Variants in CST4 observed in about 807,000 individuals in gnomAD.
CST4 encodes cystatin S, also known as cystatin-S.
CST4 carries 17 observed loss-of-function variants against 11.2 expected under a neutral mutation model. The ratio of observed to expected loss-of-function variants is 1.52; its 90% CI spans 1.04 to 2.27. CST4 has a LOEUF of 2.27. Ranked by LOEUF, CST4 falls within the 30% of genes most tolerant of loss-of-function variation. The pLI is 0.00. For synonymous variants in CST4, 93 were observed against 70.1 expected, an observed-to-expected ratio of 1.33 and a Z score of -1.63; for missense variants, 251 against 180.2, an observed-to-expected ratio of 1.39 and a Z score of -2.25.
At position 23,688,950 on chromosome 20, in the gene CST4, G is replaced by A. The variant is rs1285848929; in HGVS notation, c.20C>T (p.Thr7Ile). ...CAGGGTAGCCATCAGGAGTAGCAGG[G>A]TACACAGAGGCCGGGCCATGGTCTC... Reference protein sequence around the residue: MARPLCTLLLLMATLAG... With the variant: MARPLCILLLLMATLAG... The change falls in exon 1 of 3, where the codon ACC (threonine) becomes ATC (isoleucine). Residue 7 changes from threonine to isoleucine, a missense_variant. Physicochemically the swap from Thr to Ile is moderately conservative, Grantham distance 89 (BLOSUM62 -1). Coordinates refer to ENST00000217423, the MANE Select transcript of CST4 (RefSeq NM_001899.3). 5 of 1,613,960 alleles carry A rather than the reference G, an allele frequency of 3.1e-6. No individual in the cohort carries two copies. The highest frequency in any genetic ancestry group is 1.7e-5 in the Admixed American group (1 of 59,996).
In CST4 at chr20:23,689,022, A is replaced by C; in HGVS notation, c.-53T>G. 6.4e-7 allele frequency: 1 copy of C among 1,564,184 alleles called. No individual in the cohort carries two copies. Among genetic ancestry groups the C allele is most frequent in the Non-Finnish European group, 8.7e-7 (1 of 1,143,106 alleles). ...TGGAGCTGCAGGAGAGGAGGGTGAG[A>C]GCCCGAGGCAGGGAGCCCAGACCAG... is the stretch of plus-strand genomic sequence containing the variant. On this transcript the variant is annotated 5_prime_UTR_variant, in exon 1 of 3. Coordinates refer to ENST00000217423, the MANE Select transcript of CST4 (RefSeq NM_001899.3).
At chr20:23,688,585 T>G (rs1243192559) in intron 1 of CST4, among the ~76,000 whole-genome samples, 157 bp downstream of exon 1, 1 of 152,182 alleles carries the variant, frequency 6.6e-6, no homozygotes, top group South Asian at 2.1e-4. Flanking sequence ...GGAGCATGCT[T>G]AGGCATGAAG....
rs372819267 is a variant in CST4, at chr20:23,687,894, G to C, written c.229-693C>G. 9.8e-5 allele frequency among the ~76,000 whole-genome samples: 15 copies of C among 152,338 alleles called. No homozygotes were observed. The East Asian group carries it at 2.9e-3, about 29-fold the overall frequency. ...GTGCTTCACTCCAAGTTACTGTCAT[G>C]CTTAAGAGGGAGATGCAGGCCAGCG... On this transcript the variant is annotated intron_variant, in intron 1 of 2. Coordinates refer to ENST00000217423, the MANE Select transcript of CST4 (RefSeq NM_001899.3).
At chr20:23,686,392 G>GCATGCC (rs1185397306) in intron 2 of CST4, among the ~76,000 whole-genome samples, 1 of 152,150 alleles carries the variant, frequency 6.6e-6, no homozygotes, top group Non-Finnish European at 1.5e-5. Flanking sequence ...AAGAGCTGGG[G>GCATGCC]CATGGGTCAA....
At position 23,685,847 on chromosome 20, in the gene CST4, T is replaced by C. The variant is rs6138037; in HGVS notation, c.*47A>G. 5.0e-5 allele frequency: 80 copies of C among 1,590,998 alleles called. No individual in the cohort carries two copies. In the South Asian group the frequency reaches 8.2e-4, roughly 16 times the overall value. On this transcript the variant is annotated 3_prime_UTR_variant, in exon 3 of 3. Transcript: ENST00000217423. ...CAGTCCAGGGGTGGGAGCACTACAGTGGGTGGGAGTGGGTGGTGGTCGGTG... is the reference window on the plus strand; with the variant it reads ...CAGTCCAGGGGTGGGAGCACTACAGCGGGTGGGAGTGGGTGGTGGTCGGTG...
rs1981071565 is a variant in CST4 at position 23,687,109 on chromosome 20, A to G, written c.321T>C (p.His107=). 4 of 1,614,112 alleles carry G rather than the reference A, an allele frequency of 2.5e-6. No individual in the cohort carries two copies. The East Asian group carries it at 6.7e-5, about 27-fold the overall frequency. Residue 107 remains histidine, a synonymous_variant, in exon 2 of 3, where the codon CAT becomes CAC. Transcript: ENST00000217423. The stretch of plus-strand genomic sequence containing the variant: ...GTACCTTCTGCAGTTCTGGCTGTTC[A>G]TGGAAGGCACAGGTGTCCAAGTTGG... ...SQPNLDTCAF[H]EQPELQKKQL... is the part of the protein sequence containing the mutation.
chr20:23,688,130 C>T (rs531550959), intron 1 of CST4, among the ~76,000 whole-genome samples: 1 of 152,362 alleles, frequency 6.6e-6, no homozygotes, highest in East Asian at 1.9e-4. Context: ...GACCTAACCC[C>T]TCCTCTGCTC....
chr20:23,689,010 G>A lies in CST4; in HGVS notation c.-41C>T. On this transcript the variant is annotated 5_prime_UTR_variant, in exon 1 of 3. Coordinates refer to ENST00000217423, the MANE Select transcript of CST4 (RefSeq NM_001899.3). ...AGAGCACAAAGCTGGAGCTGCAGGA[G>A]AGGAGGGTGAGAGCCCGAGGCAGGG... 1 of 1,591,160 alleles carries A rather than the reference G, an allele frequency of 6.3e-7. No homozygotes were observed. The highest frequency in any genetic ancestry group is 8.6e-7 in the Non-Finnish European group (1 of 1,163,160).
At chr20:23,687,507 A>G (rs1309187111) in intron 1 of CST4, among the ~76,000 whole-genome samples, 1 of 152,180 alleles carries the variant, frequency 6.6e-6, no homozygotes, top group Non-Finnish European at 1.5e-5. Flanking sequence ...AATTTCAGCT[A>G]ACTCACGAAA....
chr20:23,686,411 A>G (rs1383132593), intron 2 of CST4, among the ~76,000 whole-genome samples: 1 of 152,082 alleles, frequency 6.6e-6, no homozygotes, highest in Non-Finnish European at 1.5e-5. Flanking sequence ...AAGGGCAACA[A>G]GGGGAGTGCC....
At chr20:23,688,037 T>G (rs1385246729) in intron 1 of CST4, among the ~76,000 whole-genome samples, 1 of 152,150 alleles carries the variant, frequency 6.6e-6, no homozygotes, top group Non-Finnish European at 1.5e-5. Flanking sequence ...GTGGAGGAGC[T>G]CTAAAGGCTG....
rs1981027941 is a variant in CST4 at position 23,685,983 on chromosome 20, A to G, written c.343-6T>C. The G allele has an allele frequency of 1.2e-6, 2 of 1,613,522 alleles. No homozygotes were observed. The highest frequency in any genetic ancestry group is 1.7e-6 in the Non-Finnish European group (2 of 1,179,546). On this transcript the variant is annotated splice_polypyrimidine_tract_variant and splice_region_variant and intron_variant, in intron 2 of 2. Coordinates refer to ENST00000217423, the MANE Select transcript of CST4 (RefSeq NM_001899.3). The stretch of plus-strand genomic sequence containing the variant: ...TCGAAAGAGCACAACTGTTTCTGTG[A>G]AAGGGAAGAGAGAGGGCCAATCAGT...
rs1021122282 is a variant in CST4 at position 23,685,780 on chromosome 20, G to C, written c.*114C>G. ...CTGCAGCCTTCTCTGTCTGTCTCTT[G>C]GCACAGGCACATGGGGAGGCCTCCC... On this transcript the variant is annotated 3_prime_UTR_variant, in exon 3 of 3. Transcript: ENST00000217423. The C allele has an allele frequency of 9.4e-7, 1 of 1,058,246 alleles. No individual in the cohort carries two copies. Among genetic ancestry groups the C allele is most frequent in the Non-Finnish European group, 1.4e-6 (1 of 706,908 alleles). 65.6% of individuals were successfully genotyped at this position (1,058,246 alleles called of 1,614,324 possible).
rs769347797 is a variant in CST4 at position 23,688,973 on chromosome 20, C to T, written c.-4G>A. On this transcript the variant is annotated 5_prime_UTR_variant, in exon 1 of 3. Transcript: ENST00000217423. ...GGGTACACAGAGGCCGGGCCATGGT[C>T]TCCTCAGAGGCAGAGCACAAAGCTG... 1.4e-5 allele frequency: 22 copies of T among 1,613,550 alleles called. No homozygotes were observed. The highest frequency in any genetic ancestry group is 8.9e-5 in the East Asian group (4 of 44,860).
Position 23,685,916 on chromosome 20 carries a change from T to C in CST4, c.404A>G (p.Asn135Ser). 6.2e-7 allele frequency: 1 copy of C among 1,614,098 alleles called. No homozygotes were observed. The highest frequency in any genetic ancestry group is 8.5e-7 in the Non-Finnish European group (1 of 1,179,936). The change falls in exon 3 of 3, where the codon AAT (asparagine) becomes AGT (serine). Residue 135 changes from asparagine to serine, a missense_variant. Asn to Ser is a conservative substitution (Grantham distance 46, BLOSUM62 1). Transcript: ENST00000217423. The stretch of plus-strand genomic sequence containing the variant: ...CCCCTAGGCTTCTTGACACCTGGAA[T>C]TCACCAGGGACATTCTGTCCTCCCA... ...VPWEDRMSLV[N>S]SRCQEA is the part of the protein sequence containing the mutation.
chr20:23,687,345 T>G (rs1981082454), intron 1 of CST4, 144 bp from the exon 2 acceptor site: 3 of 807,302 alleles, frequency 3.7e-6, no homozygotes, highest in South Asian at 1.6e-5. Context: ...ACAAGCCCCC[T>G]CTTCCTGTCA....
chr20:23,686,950 G>T, intron 2 of CST4, 138 bp downstream of exon 2: 2 of 798,104 alleles, frequency 2.5e-6, no homozygotes, highest in South Asian at 1.6e-5. Context: ...ACATGAACAC[G>T]TACACATCCA....
intron 1 of CST4, among the ~76,000 whole-genome samples, chr20:23,688,109 A>G (rs1296104061): frequency 6.6e-6 from 1 of 152,182 alleles, no homozygotes; most frequent in Admixed American, 6.5e-5. Flanking sequence ...GCCCTGCTGA[A>G]GCTCACTCTG....
At chr20:23,687,909 G>T (rs73902127) in intron 1 of CST4, among the ~76,000 whole-genome samples, 4,530 of 152,328 alleles carry the variant, frequency 0.03, 213 homozygotes, top group African/African-American at 0.1. Context: ...AGAGGGAGAT[G>T]CAGGCCAGCG....
Sources: allele counts gnomAD v4.1 joint callset (sites outside exome capture counted in the v4.1 genomes callset), GRCh38; gene constraint gnomAD v4.1.1; transcripts MANE v1.5; gene names NCBI Gene and HGNC (gene_info 2026-07-23, HGNC 2026-07-21).